Variants in KCNQ1 observed in about 807,000 individuals in gnomAD.
KCNQ1 encodes the protein potassium voltage-gated channel subfamily Q member 1, also known as potassium voltage-gated channel subfamily KQT member 1.
Under a neutral mutation model 72.4 loss-of-function variants are expected in KCNQ1, and 49 were observed. That is an observed-to-expected ratio of 0.68 (90% CI 0.54 to 0.86). The LOEUF (loss-of-function observed/expected upper bound fraction) is 0.86. Ranked by LOEUF, KCNQ1 falls within the 40% of genes least tolerant of loss-of-function variation. The pLI, the probability that KCNQ1 is intolerant of heterozygous loss-of-function variation, is 0.00. For synonymous variants in KCNQ1, 450 were observed against 412.6 expected, an observed-to-expected ratio of 1.09 and a Z score of -1.10; for missense variants, 790 against 945.1, an observed-to-expected ratio of 0.84 and a Z score of 2.15.
In KCNQ1 at chr11:2,752,473, C is replaced by T. The variant is rs540357776; in HGVS notation, c.1515-16371C>T. Among the ~76,000 whole-genome samples, 1 of 152,022 alleles carries T rather than the reference C, an allele frequency of 6.6e-6. No individual in the cohort carries two copies. The highest frequency in any genetic ancestry group is 1.9e-4 in the East Asian group (1 of 5,192). On this transcript the variant is annotated intron_variant, in intron 11 of 15. Coordinates refer to ENST00000155840, the MANE Select transcript of KCNQ1 (RefSeq NM_000218.3). This position sits in a 1 kb window ranked among gnomAD's most constrained non-coding sequence, Gnocchi z 5.2. ...GTCTGCTATAACCAAATACCTTAGA[C>T]CTGGTGATTCATACTTAGGAATTCA...
At chr11:2,749,173 G>A (rs1293002294) in intron 11 of KCNQ1, among the ~76,000 whole-genome samples, 1 of 152,222 alleles carries the variant, frequency 6.6e-6, no homozygotes, top group Non-Finnish European at 1.5e-5. Flanking sequence ...TTACCAAATG[G>A]GGGGCTGTTC....
intron 1 of KCNQ1, among the ~76,000 whole-genome samples, chr11:2,476,497 T>G (rs750573514): frequency 3.3e-5 from 5 of 151,908 alleles, no homozygotes; most frequent in Non-Finnish European, 5.9e-5. Context: ...GTAAGAAAAG[T>G]GAATGTAAAT....
At chr11:2,840,929 A>C (rs4930013) in intron 15 of KCNQ1, among the ~76,000 whole-genome samples, 45,883 of 151,994 alleles carry the variant, frequency 0.3, 7,224 homozygotes, top group Non-Finnish European at 0.33. Context: ...ACATTTGTGC[A>C]GCGCCAACTC....
chr11:2,757,570 T>G (rs1391148740), intron 11 of KCNQ1, among the ~76,000 whole-genome samples: 1 of 152,222 alleles, frequency 6.6e-6, no homozygotes, highest in African/African-American at 2.4e-5. Context: ...ATGGACAAAC[T>G]TGTTCTAAAA....
At position 2,781,920 on chromosome 11, in the gene KCNQ1, C is replaced by G. The variant is rs1564891368; in HGVS notation, c.1794+3883C>G. 1.3e-5 allele frequency among the ~76,000 whole-genome samples: 2 copies of G among 152,146 alleles called. No homozygotes were observed. The highest frequency in any genetic ancestry group is 2.4e-5 in the African/African-American group (1 of 41,428). The stretch of plus-strand genomic sequence containing the variant: ...GCCTCCGGTCGCAGAATCCAGGCCT[C>G]CAGGATGAGAATGCCCCCCAACCCA... On this transcript the variant is annotated intron_variant, in intron 15 of 15. Transcript: ENST00000155840. This position sits in a 1 kb window ranked among gnomAD's most constrained non-coding sequence, Gnocchi z 6.6.
chr11:2,797,767 TC>T (rs1847168208), intron 15 of KCNQ1, among the ~76,000 whole-genome samples: 2 of 152,054 alleles, frequency 1.3e-5, no homozygotes, highest in South Asian at 4.1e-4. Context: ...CTGCACTCCC[TC>T]CCCTGGGAGC....
chr11:2,585,679 A>G (rs1192319014), intron 8 of KCNQ1, among the ~76,000 whole-genome samples: 1 of 152,150 alleles, frequency 6.6e-6, no homozygotes, highest in African/African-American at 2.4e-5. Flanking sequence ...ATTGTCCCCA[A>G]GGGAGGTAGG....
chr11:2,791,600 A>G (rs917976592), intron 15 of KCNQ1, among the ~76,000 whole-genome samples: 1 of 152,026 alleles, frequency 6.6e-6, no homozygotes, highest in African/African-American at 2.4e-5. Flanking sequence ...GCGGGGAAGG[A>G]AGGACGGGGC....
At chr11:2,790,308 C>T (rs967071378) in intron 15 of KCNQ1, among the ~76,000 whole-genome samples, 1 of 152,222 alleles carries the variant, frequency 6.6e-6, no homozygotes, top group Non-Finnish European at 1.5e-5. Flanking sequence ...GGTTCTACTG[C>T]TCTGGACAGC....
At chr11:2,590,493 G>C (rs1041915111) in intron 10 of KCNQ1, among the ~76,000 whole-genome samples, 4 of 152,228 alleles carry the variant, frequency 2.6e-5, no homozygotes, top group South Asian at 4.1e-4. Flanking sequence ...GGCCCCACAT[G>C]AAACAGTGGC....
rs944962946 is a variant in KCNQ1 at position 2,787,873 on chromosome 11, T to A, written c.1794+9836T>A. Among the ~76,000 whole-genome samples the A allele has an allele frequency of 9.9e-5, 9 of 91,120 alleles. 1 individual carries two copies. In the East Asian group the frequency reaches 1.3e-3, roughly 13 times the overall value. 59.8% of individuals were successfully genotyped at this position (91,120 alleles called of 152,430 possible). A position where few individuals can be genotyped will look rare whatever the true frequency, so the allele number is the denominator to read the frequency against. On this transcript the variant is annotated intron_variant, in intron 15 of 15. Transcript: ENST00000155840. The surrounding 1 kb of genome is among the most constrained non-coding windows in gnomAD (Gnocchi z 6.3). ...GAATGAAGGATCTATCTTTAAATTT[T>A]AATTTTAATTTATTAAAATGAAAAT...
chr11:2,544,264 G>GTATATATGTATATATA lies in KCNQ1; in HGVS notation c.477+16247_477+16248insATATATGTATATATAT, dbSNP rs1564811915. 1.2e-3 allele frequency among the ~76,000 whole-genome samples: 162 copies of GTATATATGTATATATA among 138,376 alleles called. 5 individuals are homozygous for GTATATATGTATATATA. Among genetic ancestry groups the GTATATATGTATATATA allele is most frequent in the African/African-American group, 4.3e-3 (152 of 35,506 alleles). The allele number at this position is 138,376 out of a possible 152,430, so 90.8% of individuals were successfully genotyped here. A position where few individuals can be genotyped will look rare whatever the true frequency, so the allele number is the denominator to read the frequency against. On this transcript the variant is annotated intron_variant, in intron 2 of 15. Transcript: ENST00000155840. The surrounding 1 kb of genome is among the most constrained non-coding windows in gnomAD (Gnocchi z 4.4). The stretch of plus-strand genomic sequence containing the variant: ...TGTGTGTGTGTATATATATATGTGT[G>GTATATATGTATATATA]TGTGTGTATATATATGTGTATATAT...
In KCNQ1 at chr11:2,458,130, G is replaced by A. The variant is rs1056695734; in HGVS notation, c.386+12646G>A. 6.6e-6 allele frequency among the ~76,000 whole-genome samples: 1 copy of A among 152,082 alleles called. No homozygotes were observed. Among genetic ancestry groups the A allele is most frequent in the Non-Finnish European group, 1.5e-5 (1 of 68,002 alleles). On this transcript the variant is annotated intron_variant, in intron 1 of 15. Transcript: ENST00000155840. The surrounding 1 kb of genome is among the most constrained non-coding windows in gnomAD (Gnocchi z 4.6). ...CAGGGAAGTTATCAGAGGCCCCCTA[G>A]GGCCATGTCACTGGAACTTGAAGGG...
chr11:2,459,804 T>C (rs1300937982), intron 1 of KCNQ1, among the ~76,000 whole-genome samples: 4 of 152,016 alleles, frequency 2.6e-5, no homozygotes, highest in South Asian at 2.1e-4. Context: ...GGGATTCCCT[T>C]CTGCTTAAAA....
At chr11:2,591,534 C>T (rs910182025) in intron 10 of KCNQ1, among the ~76,000 whole-genome samples, 3 of 152,230 alleles carry the variant, frequency 2.0e-5, no homozygotes, top group Non-Finnish European at 4.4e-5. Context: ...CAAATGGGGG[C>T]TTTCTGCGCA....
At position 2,550,889 on chromosome 11, in the gene KCNQ1, GC is replaced by G. The variant is rs1311693530; in HGVS notation, c.478-19738del. On this transcript the variant is annotated intron_variant, in intron 2 of 15. Coordinates refer to ENST00000155840, the MANE Select transcript of KCNQ1 (RefSeq NM_000218.3). The surrounding 1 kb of genome is among the most constrained non-coding windows in gnomAD (Gnocchi z 6.0). Reference sequence around the variant, plus strand: ...GGGGAGGCTGCCAAGTGAGGGGGGGGCACAGACTGAGACAGGGTCCCCGTGT... The same window carrying G: ...GGGGAGGCTGCCAAGTGAGGGGGGGGACAGACTGAGACAGGGTCCCCGTGT... 6.6e-6 allele frequency among the ~76,000 whole-genome samples: 1 copy of G among 152,018 alleles called. No homozygotes were observed. The highest frequency in any genetic ancestry group is 2.4e-5 in the African/African-American group (1 of 41,390).
chr11:2,665,767 A>AT, intron 11 of KCNQ1: 1 of 398,398 alleles, frequency 2.5e-6, no homozygotes, highest in Non-Finnish European at 4.4e-6. Flanking sequence ...AAGCCCTAGG[A>AT]TTGCTGCTCA....
In KCNQ1 at chr11:2,453,844, G is replaced by A. The variant is rs528053531; in HGVS notation, c.386+8360G>A. Among the ~76,000 whole-genome samples, 21 of 152,354 alleles carry A rather than the reference G, an allele frequency of 1.4e-4. No homozygotes were observed. The South Asian group carries it at 4.1e-3, about 30-fold the overall frequency. ...TGGAAAACTGCAAATGCCCATTGTA[G>A]GAGACTGGTTGAATCAGAGATTTGT... is the stretch of plus-strand genomic sequence containing the variant. On this transcript the variant is annotated intron_variant, in intron 1 of 15. Transcript: ENST00000155840.
intron 5 of KCNQ1, 90 bp downstream of exon 5, chr11:2,572,199 C>A: frequency 1.0e-6 from 1 of 987,314 alleles, no homozygotes; most frequent in African/African-American, 1.6e-5. Context: ...TTGAGATGCG[C>A]TGAGGCCCCG....
Sources: gnomAD v4.1 joint callset for allele counts (sites outside exome capture counted in the v4.1 genomes callset) on GRCh38, gnomAD v4.1.1 for gene constraint, Gnocchi (gnomAD v3.1) non-coding constraint, MANE v1.5 for transcripts, NCBI Gene and HGNC (gene_info 2026-07-23, HGNC 2026-07-21) for gene names.